The following DMD variants were observed in gnomAD, a reference collection of about 807,000 sequenced individuals.
DMD encodes the protein mutant dystrophin.
A neutral mutation model predicts 330.1 loss-of-function variants in DMD; 63 were observed. That is an observed-to-expected ratio of 0.19 (90% CI 0.16 to 0.24). The LOEUF is 0.24. Ranked by LOEUF, DMD falls within the 10% of genes least tolerant of loss-of-function variation. The probability of loss-of-function intolerance (pLI) is 1.00; values close to 1 mark genes in which losing one functional copy is unlikely to be tolerated. For synonymous variants in DMD, 1,223 were observed against 959.8 expected (o/e 1.27, Z -5.07); for missense variants, 3,344 against 2,684.1 (o/e 1.25, Z -5.43).
At chrX:32,060,975 C>T (rs963276387) in intron 44 of DMD, among the ~76,000 whole-genome samples, 3 of 110,831 alleles carry the variant, frequency 2.7e-5, no homozygotes, top group African/African-American at 9.8e-5. Flanking sequence ...AAAATGGGAA[C>T]GATAATAAAA....
intron 9 of DMD, among the ~76,000 whole-genome samples, chrX:32,657,443 TCTTA>T (rs1216163874): frequency 8.9e-6 from 1 of 112,299 alleles, no homozygotes; most frequent in Non-Finnish European, 1.9e-5. Context: ...ATTTCTTTGT[TCTTA>T]CTGTTTCATA....
intron 43 of DMD, among the ~76,000 whole-genome samples, chrX:32,246,740 T>C (rs2097239874): frequency 9.2e-6 from 1 of 108,252 alleles, no homozygotes; most frequent in South Asian, 4.1e-4. Flanking sequence ...GATTTTCTAG[T>C]TTATTTGTGT....
At chrX:31,961,521 G>T (rs2095302830) in intron 45 of DMD, among the ~76,000 whole-genome samples, 1 of 111,333 alleles carries the variant, frequency 9.0e-6, no homozygotes, top group Admixed American at 9.6e-5. Context: ...CTTGCTGGGG[G>T]AAAAGCATAT....
At chrX:31,460,245 A>G (rs778139023) in intron 59 of DMD, among the ~76,000 whole-genome samples, 2 of 111,195 alleles carry the variant, frequency 1.8e-5, no homozygotes, top group Non-Finnish European at 3.8e-5. Flanking sequence ...TTGATCCCAC[A>G]TCATCTCTAT....
chrX:32,802,943 C>T (rs1299495015), intron 7 of DMD, among the ~76,000 whole-genome samples: 1 of 111,443 alleles, frequency 9.0e-6, no homozygotes, highest in Non-Finnish European at 1.9e-5. Context: ...TTTATTGTGT[C>T]TCTGCCAGGT....
intron 13 of DMD, among the ~76,000 whole-genome samples, chrX:32,583,067 T>C (rs1320727484): frequency 8.9e-6 from 1 of 112,350 alleles, no homozygotes; most frequent in African/African-American, 3.2e-5. Flanking sequence ...AGTGCTTAAA[T>C]TCTCTCCTGT....
chrX:32,013,074 T>C (rs1269011110), intron 44 of DMD, among the ~76,000 whole-genome samples: 1 of 86,497 alleles, frequency 1.2e-5, no homozygotes, highest in African/African-American at 4.2e-5. Flanking sequence ...AACAGGAAAT[T>C]AATCTTTTCT....
At chrX:32,363,802 T>G (rs896267587) in intron 36 of DMD, among the ~76,000 whole-genome samples, 1 of 112,158 alleles carries the variant, frequency 8.9e-6, no homozygotes, top group Non-Finnish European at 1.9e-5. Flanking sequence ...TTGAGTTTTC[T>G]TTAAATAGTA....
chrX:31,950,871 A>G (rs968577672), intron 45 of DMD, among the ~76,000 whole-genome samples: 2 of 107,259 alleles, frequency 1.9e-5, no homozygotes, highest in African/African-American at 6.7e-5. Context: ...TGGCTCTAAT[A>G]CATTTCTCTT....
At chrX:31,169,709 A>C in intron 73 of DMD, 108 bp from the exon 74 acceptor site, 1 of 747,968 alleles carries the variant, frequency 1.3e-6, no homozygotes, top group Non-Finnish European at 2.0e-6. Context: ...TGCTCTTAAC[A>C]ATTAATTAGA....
chrX:33,193,889 A>T (rs761366779), intron 1 of DMD, among the ~76,000 whole-genome samples: 3 of 111,346 alleles, frequency 2.7e-5, no homozygotes, highest in Non-Finnish European at 3.8e-5. Flanking sequence ...TTAATTCAAA[A>T]CACATTTATA....
chrX:33,286,197 A>G lies in DMD; in HGVS notation c.7+53062T>C, dbSNP rs756201041. Among the ~76,000 whole-genome samples, 9 of 112,063 alleles carry G rather than the reference A, an allele frequency of 8.0e-5. No individual in the cohort carries two copies. In the South Asian group the frequency reaches 2.9e-3, roughly 37 times the overall value. ...TTCCACCAAAGTATACCTTAATAAC[A>G]ACAATAGCTTTTATAAAAATTCTTG... On this transcript the variant is annotated intron_variant, in intron 1 of 17. Transcript: ENST00000288447.
intron 2 of DMD, among the ~76,000 whole-genome samples, chrX:32,995,991 T>C (rs12832818): frequency 0.027 from 3,057 of 111,764 alleles, 72 homozygotes; most frequent in East Asian, 0.18. Context: ...TTAATGGTGG[T>C]AAAGCTGAGA....
At position 32,631,760 on chromosome X, in the gene DMD, T is replaced by C. The variant is rs1455506024; in HGVS notation, c.1331+12372A>G. Among the ~76,000 whole-genome samples, 22 of 111,159 alleles carry C rather than the reference T, an allele frequency of 2.0e-4. 1 individual carries two copies. The highest frequency in any genetic ancestry group is 1.8e-3 in the Admixed American group (19 of 10,536). ...TCACCCACTATCATGAAAACAGCACTAAGAGGATAGTGCTAAACCATTCAT... is the reference window on the plus strand; with the variant it reads ...TCACCCACTATCATGAAAACAGCACCAAGAGGATAGTGCTAAACCATTCAT... On this transcript the variant is annotated intron_variant, in intron 11 of 78. Transcript: ENST00000357033.
chrX:33,212,743 T>C (rs766695086), upstream of DMD, among the ~76,000 whole-genome samples: 1 of 112,349 alleles, frequency 8.9e-6, no homozygotes, highest in Non-Finnish European at 1.9e-5. Flanking sequence ...GTGTATGAGA[T>C]AAAACATAAG....
intron 50 of DMD, among the ~76,000 whole-genome samples, chrX:31,787,142 G>A (rs765175063): frequency 8.4e-4 from 94 of 111,782 alleles, no homozygotes; most frequent in Non-Finnish European, 1.6e-3. Flanking sequence ...GGAGGCTGAG[G>A]TGGTAGAACA....
At chrX:31,669,228 GATATACAAGTGTT>G in intron 53 of DMD, among the ~76,000 whole-genome samples, 1 of 111,903 alleles carries the variant, frequency 8.9e-6, no homozygotes, top group Non-Finnish European at 1.9e-5. Context: ...TCCCACCAAT[GATATACAAGTGTT>G]ACCTTTTTTC....
At chrX:32,133,621 G>A (rs185196784) in intron 44 of DMD, among the ~76,000 whole-genome samples, 11 of 110,955 alleles carry the variant, frequency 9.9e-5, no homozygotes, top group African/African-American at 3.3e-4. Flanking sequence ...TCAGTTTAGG[G>A]CAACTTTATC....
At chrX:32,466,385 T>A (rs1426817669) in intron 23 of DMD, among the ~76,000 whole-genome samples, 1 of 111,702 alleles carries the variant, frequency 9.0e-6, no homozygotes, top group Non-Finnish European at 1.9e-5. Flanking sequence ...CTAGTTTATG[T>A]TGGATTTCCT....
Sources: allele counts gnomAD v4.1 joint callset (sites outside exome capture counted in the v4.1 genomes callset), GRCh38; gene constraint gnomAD v4.1.1; transcripts MANE v1.5; gene names NCBI Gene and HGNC (gene_info 2026-07-23, HGNC 2026-07-21).